SNTB1: variants seen among roughly 807,000 people sequenced by gnomAD.
SNTB1 encodes syntrophin beta 1.
In SNTB1, 36 loss-of-function variants were observed where a neutral mutation model predicts 48.9. That is an observed-to-expected ratio of 0.74 (90% CI 0.56 to 0.97). SNTB1 has a LOEUF of 0.97. SNTB1 is among the 50% of genes least tolerant of loss of function. The probability of loss-of-function intolerance (pLI) is 0.00; values close to 1 mark genes in which losing one functional copy is unlikely to be tolerated. For missense variants in SNTB1, 786 were observed against 703.4 expected (o/e 1.12, Z -1.33); for synonymous variants, 299 against 294.6 (o/e 1.01, Z -0.15).
At chr8:120,590,449 A>T (rs1816220701) in intron 3 of SNTB1, among the ~76,000 whole-genome samples, 1 of 152,302 alleles carries the variant, frequency 6.6e-6, no homozygotes, top group East Asian at 1.9e-4. Context: ...TGAGTAACAG[A>T]TGCAAAGTAG....
rs1477685515 is a variant in SNTB1 at position 120,811,722 on chromosome 8, A to C, written c.122T>G (p.Leu41Trp). Residue 41 changes from leucine (L) to tryptophan (W), a missense_variant, in exon 1 of 7, where the codon TTG becomes TGG. Physicochemically the swap from Leu to Trp is moderately conservative, Grantham distance 61 (BLOSUM62 -2). Coordinates refer to ENST00000517992, the MANE Select transcript of SNTB1 (RefSeq NM_021021.4). ...GCTCAGAACCAGGGCGTCCTCGCTC[A>C]AGTTCACCAGAACTTTGTGCCAGCG... is the stretch of plus-strand genomic sequence containing the variant. The part of the protein sequence containing the change: ...RDRWHKVLVN[L>W]SEDALVLSSE... 1.3e-6 allele frequency: 2 copies of C among 1,573,890 alleles called. No individual in the cohort carries two copies. Among genetic ancestry groups the C allele is most frequent in the Non-Finnish European group, 1.7e-6 (2 of 1,165,044 alleles).
intron 1 of SNTB1, among the ~76,000 whole-genome samples, chr8:120,798,100 T>A (rs189928093): frequency 1.8e-4 from 28 of 152,178 alleles, no homozygotes; most frequent in Admixed American, 1.6e-3. Context: ...AGATGCCCAG[T>A]TTAACACAGG....
chr8:120,696,868 G>A (rs1183665181), intron 1 of SNTB1, among the ~76,000 whole-genome samples: 1 of 152,192 alleles, frequency 6.6e-6, no homozygotes, highest in Non-Finnish European at 1.5e-5. Flanking sequence ...CTAGATGAAG[G>A]ATGCAAATGA....
At chr8:120,692,371 A>T (rs1818143030) in intron 2 of SNTB1, among the ~76,000 whole-genome samples, 1 of 152,150 alleles carries the variant, frequency 6.6e-6, no homozygotes, top group Non-Finnish European at 1.5e-5. Context: ...TCCCACACAC[A>T]TTCTAAATAA....
intron 1 of SNTB1, among the ~76,000 whole-genome samples, chr8:120,703,668 G>A (rs932292624): frequency 2.0e-5 from 3 of 152,134 alleles, no homozygotes; most frequent in African/African-American, 7.2e-5. Context: ...ACTTCATTTT[G>A]CCATCGTTGC....
At chr8:120,581,088 C>CAAAAA (rs775547135) in intron 3 of SNTB1, among the ~76,000 whole-genome samples, 20 of 89,924 alleles carry the variant, frequency 2.2e-4, no homozygotes, top group African/African-American at 4.5e-4. Flanking sequence ...GACCCTGTCT[C>CAAAAA]AAAAAAAAAA....
intron 1 of SNTB1, among the ~76,000 whole-genome samples, chr8:120,716,799 T>C (rs2064972490): frequency 6.6e-6 from 1 of 152,190 alleles, no homozygotes; most frequent in African/African-American, 2.4e-5. Context: ...ACATGGGAAA[T>C]AGAAGATTTT....
intron 3 of SNTB1, among the ~76,000 whole-genome samples, chr8:120,580,738 C>T (rs994547590): frequency 6.6e-6 from 1 of 152,192 alleles, no homozygotes; most frequent in African/African-American, 2.4e-5. Context: ...TGATCAACTT[C>T]TAAATGCTTT....
intron 1 of SNTB1, among the ~76,000 whole-genome samples, chr8:120,737,241 G>A (rs1024839346): frequency 1.3e-5 from 2 of 152,136 alleles, no homozygotes. Flanking sequence ...AGGTAGGTAT[G>A]TATTACCTTA....
At chr8:120,603,166 G>C (rs1024868579) in intron 3 of SNTB1, among the ~76,000 whole-genome samples, 2 of 151,446 alleles carry the variant, frequency 1.3e-5, no homozygotes, top group African/African-American at 4.9e-5. Flanking sequence ...GCAGTGGCGC[G>C]ATCTTGGCTC....
intron 2 of SNTB1, among the ~76,000 whole-genome samples, chr8:120,649,715 G>T (rs1462504056): frequency 6.6e-6 from 1 of 152,032 alleles, no homozygotes; most frequent in African/African-American, 2.4e-5. Context: ...CTTCCCGGCT[G>T]CTTTGTTTAC....
intron 4 of SNTB1, chr8:120,571,300 A>G: frequency 7.8e-7 from 1 of 1,288,172 alleles, no homozygotes; most frequent in Non-Finnish European, 1.0e-6. Flanking sequence ...ACTGTGGTCT[A>G]ATCTTTCTTT....
At chr8:120,775,647 GAA>G (rs1819719333) in intron 1 of SNTB1, 1 of 149,386 alleles carries the variant, frequency 6.7e-6, no homozygotes. Flanking sequence ...AGGAAGGAAG[GAA>G]AGAAAGGAAG....
chr8:120,554,617 G>T (rs114738646), intron 4 of SNTB1, among the ~76,000 whole-genome samples: 2,333 of 152,218 alleles, frequency 0.015, 51 homozygotes, highest in African/African-American at 0.053. Context: ...TATTTTACTT[G>T]TTTTTATTCA....
At chr8:120,681,491 C>T (rs1421432532) in intron 2 of SNTB1, among the ~76,000 whole-genome samples, 1 of 152,258 alleles carries the variant, frequency 6.6e-6, no homozygotes, top group East Asian at 1.9e-4. Context: ...GGGCTCAGAA[C>T]CTCCAGAGAC....
intron 3 of SNTB1, among the ~76,000 whole-genome samples, chr8:120,580,620 C>A (rs1816032831): frequency 6.6e-6 from 1 of 152,186 alleles, no homozygotes; most frequent in South Asian, 2.1e-4. Flanking sequence ...TTTTGTATTG[C>A]AGATCGTGTT....
chr8:120,684,689 C>G (rs1303297284), intron 2 of SNTB1, among the ~76,000 whole-genome samples: 2 of 148,372 alleles, frequency 1.3e-5, no homozygotes, highest in African/African-American at 5.0e-5. Context: ...GAGTCTCATT[C>G]TGTTGCCCAG....
At chr8:120,698,230 T>G (rs1261024676) in intron 1 of SNTB1, among the ~76,000 whole-genome samples, 2 of 152,182 alleles carry the variant, frequency 1.3e-5, no homozygotes, top group Non-Finnish European at 2.9e-5. Context: ...TAGGTTTTTC[T>G]GTGTTTCTTC....
chr8:120,586,745 G>A (rs1468166318), intron 3 of SNTB1, among the ~76,000 whole-genome samples: 1 of 152,150 alleles, frequency 6.6e-6, no homozygotes, highest in Non-Finnish European at 1.5e-5. Flanking sequence ...AGTTGGCAAC[G>A]AGTTTAAGTT....
Sources: gnomAD v4.1 joint callset for allele counts (sites outside exome capture counted in the v4.1 genomes callset) on GRCh38, gnomAD v4.1.1 for gene constraint, MANE v1.5 for transcripts, NCBI Gene and HGNC (gene_info 2026-07-23, HGNC 2026-07-21) for gene names.